KLF12: variants seen among roughly 807,000 people sequenced by gnomAD.
The protein encoded by KLF12 is Krueppel-like factor 12.
KLF12 carries 9 observed loss-of-function variants against 37.8 expected under a neutral mutation model. The observed-to-expected ratio is 0.24, with a 90% CI of 0.14 to 0.42. The LOEUF is 0.42. KLF12 is among the 10% of genes least tolerant of loss of function. The pLI, the probability that KLF12 is intolerant of heterozygous loss-of-function variation, is 1.00. For missense variants in KLF12, 411 were observed against 516.0 expected (o/e 0.80, Z 1.97); for synonymous variants, 208 against 202.1 (o/e 1.03, Z -0.25).
At chr13:73,802,990 T>C (rs368191837) in intron 5 of KLF12, among the ~76,000 whole-genome samples, 2 of 152,212 alleles carry the variant, frequency 1.3e-5, no homozygotes, top group African/African-American at 4.8e-5. Flanking sequence ...TATATGTATA[T>C]AACTAGATTT....
intron 6 of KLF12, among the ~76,000 whole-genome samples, chr13:73,734,651 T>A (rs1428912083): frequency 6.6e-6 from 1 of 152,158 alleles, no homozygotes; most frequent in African/African-American, 2.4e-5. Flanking sequence ...TTTGCTATTA[T>A]CTATTGGTCA....
chr13:74,159,496 A>G, the KLF12 span, among the ~76,000 whole-genome samples: 10 of 152,342 alleles, frequency 6.6e-5, no homozygotes, highest in African/African-American at 2.2e-4. Context: ...ATGTTGTCCC[A>G]TGCTAAAGAA....
At chr13:74,178,768 A>T in the KLF12 span, among the ~76,000 whole-genome samples, 1 of 152,300 alleles carries the variant, frequency 6.6e-6, no homozygotes, top group South Asian at 2.1e-4. Context: ...TGAGCATAGG[A>T]CATCCCTTTG....
chr13:74,245,457 G>T, the KLF12 span, among the ~76,000 whole-genome samples: 4,949 of 152,172 alleles, frequency 0.033, 119 homozygotes, highest in Middle Eastern at 0.071. Context: ...ATGGAAAAAT[G>T]AGACAGGTTT....
chr13:73,713,265 G>GT (rs1875542430), intron 7 of KLF12, among the ~76,000 whole-genome samples: 1 of 152,138 alleles, frequency 6.6e-6, no homozygotes, highest in African/African-American at 2.4e-5. Flanking sequence ...AAACAGCACC[G>GT]TAAGAGGCTA....
At chr13:74,100,732 T>C (rs942760666) in intron 1 of KLF12, among the ~76,000 whole-genome samples, 31 of 152,102 alleles carry the variant, frequency 2.0e-4, no homozygotes, top group African/African-American at 5.8e-4. Context: ...TACATAAAAA[T>C]GTATGTGTAC....
chr13:73,812,215 G>A (rs1481474698), intron 5 of KLF12, among the ~76,000 whole-genome samples: 1 of 152,138 alleles, frequency 6.6e-6, no homozygotes, highest in Admixed American at 6.6e-5. Context: ...AATGGTGGCT[G>A]CCAGAGGCTG....
intron 3 of KLF12, among the ~76,000 whole-genome samples, chr13:73,917,301 A>G (rs1280269177): frequency 6.6e-6 from 1 of 152,216 alleles, no homozygotes; most frequent in Non-Finnish European, 1.5e-5. Flanking sequence ...CTTTCCTGGT[A>G]CTACCCCCTC....
chr13:74,033,541 T>A (rs1034867601), intron 1 of KLF12, among the ~76,000 whole-genome samples: 1 of 152,194 alleles, frequency 6.6e-6, no homozygotes, highest in Non-Finnish European at 1.5e-5. Flanking sequence ...TATAGATCCT[T>A]GACACAAATG....
chr13:74,275,015 T>G, the KLF12 span, among the ~76,000 whole-genome samples: 3 of 152,306 alleles, frequency 2.0e-5, no homozygotes, highest in South Asian at 6.2e-4. Flanking sequence ...TTTTCTTTCT[T>G]AGTACTTTCA....
rs1471412004 is a variant in KLF12, at chr13:73,735,958, T to TTC, written c.870-20434_870-20433insGA. Among the ~76,000 whole-genome samples the TTC allele has an allele frequency of 1.9e-3, 242 of 130,718 alleles. 1 individual carries two copies. The highest frequency in any genetic ancestry group is 6.4e-3 in the African/African-American group (226 of 35,300). The allele number at this position is 130,718 out of a possible 152,430, so 85.8% of individuals were successfully genotyped here. ...CACTGATTTTCTTTCTTTCTTTTTC[T>TTC]TTTTTTTTTTACCTGCTTCAAGTTT... On this transcript the variant is annotated intron_variant, in intron 6 of 7. Coordinates refer to ENST00000377669, the MANE Select transcript of KLF12 (RefSeq NM_007249.5).
intron 4 of KLF12, among the ~76,000 whole-genome samples, chr13:73,843,262 A>G (rs1187365955): frequency 1.3e-5 from 2 of 151,770 alleles, no homozygotes; most frequent in African/African-American, 4.8e-5. Context: ...AGTAATTTCA[A>G]TCATTTATTG....
At chr13:73,802,694 C>T (rs919607824) in intron 5 of KLF12, among the ~76,000 whole-genome samples, 2 of 152,102 alleles carry the variant, frequency 1.3e-5, no homozygotes, top group Non-Finnish European at 2.9e-5. Context: ...CTATGTAGCA[C>T]CCACTTATAA....
At position 73,813,160 on chromosome 13, in the gene KLF12, T is replaced by C. The variant is rs377300650; in HGVS notation, c.798A>G (p.Ala266=). The C allele has an allele frequency of 5.6e-6, 9 of 1,613,876 alleles. No homozygotes were observed. The African/African-American group carries it at 6.7e-5, about 12-fold the overall frequency. The change falls in exon 5 of 8, where the codon GCA becomes GCG. Residue 266 remains alanine (A), a synonymous_variant. Transcript: ENST00000377669. ...GTGAATGTGATACTTACTCTTGTAC[T>C]GCTCTGGCTATGGAAAGGGCCGTAG...
At chr13:74,034,534 C>T (rs75382606) in intron 1 of KLF12, among the ~76,000 whole-genome samples, 6,729 of 152,222 alleles carry the variant, frequency 0.044, 212 homozygotes, top group African/African-American at 0.085. Context: ...TTTAAACTGA[C>T]AAAACTTTTA....
the KLF12 span, among the ~76,000 whole-genome samples, chr13:74,201,495 A>G: frequency 1.2e-4 from 19 of 152,222 alleles, no homozygotes; most frequent in African/African-American, 4.6e-4. Context: ...ATTCATGTCT[A>G]CTTATTCCCA....
At chr13:74,082,365 A>G (rs927054759) in intron 1 of KLF12, among the ~76,000 whole-genome samples, 1 of 152,206 alleles carries the variant, frequency 6.6e-6, no homozygotes, top group Non-Finnish European at 1.5e-5. Context: ...TGAGCTAAAA[A>G]ACATAGCTTG....
intron 1 of KLF12, among the ~76,000 whole-genome samples, chr13:74,111,513 C>T (rs1002461318): frequency 6.6e-6 from 1 of 152,034 alleles, no homozygotes; most frequent in Admixed American, 6.6e-5. Flanking sequence ...TCTAATGTAA[C>T]CTGCTGAAAA....
chr13:73,742,027 GA>G (rs56943032), intron 6 of KLF12, among the ~76,000 whole-genome samples: 114,374 of 151,694 alleles, frequency 0.75, 44,775 homozygotes, highest in South Asian at 0.87. Flanking sequence ...ACAAGAGGCT[GA>G]AAAAGCCTAC....
Sources: allele counts gnomAD v4.1 joint callset (sites outside exome capture counted in the v4.1 genomes callset), GRCh38; gene constraint gnomAD v4.1.1; transcripts MANE v1.5; gene names NCBI Gene and HGNC (gene_info 2026-07-23, HGNC 2026-07-21).